UBASH3B: variants seen among roughly 807,000 people sequenced by gnomAD.
UBASH3B encodes the protein ubiquitin associated and SH3 domain containing B.
A neutral mutation model predicts 83.4 loss-of-function variants in UBASH3B; 37 were observed. The ratio of observed to expected loss-of-function variants is 0.44; its 90% CI spans 0.34 to 0.58. The LOEUF (loss-of-function observed/expected upper bound fraction) is 0.58. Among genes scored for constraint, UBASH3B ranks in the 20% least tolerant of loss-of-function variants. The pLI, the probability that UBASH3B is intolerant of heterozygous loss-of-function variation, is 0.01. For synonymous variants in UBASH3B, 304 were observed against 318.3 expected (o/e 0.96, Z 0.48); for missense variants, 657 against 827.2 (o/e 0.79, Z 2.52).
intron 1 of UBASH3B, among the ~76,000 whole-genome samples, chr11:122,756,292 C>G (rs1861281719): frequency 6.6e-6 from 1 of 152,228 alleles, no homozygotes; most frequent in South Asian, 2.1e-4. Flanking sequence ...GATTCTTACC[C>G]TTGCACATTT....
chr11:122,729,902 A>G (rs1860810856), intron 1 of UBASH3B, among the ~76,000 whole-genome samples: 1 of 127,776 alleles, frequency 7.8e-6, no homozygotes, highest in Admixed American at 9.6e-5. Context: ...TCAGTTGGGC[A>G]TGGGAGTTCG....
rs78645663 is a variant in UBASH3B at position 122,701,212 on chromosome 11, G to T, written c.161+45002G>T. 7.4e-3 allele frequency among the ~76,000 whole-genome samples: 1,123 copies of T among 152,244 alleles called. 34 individuals carry two copies. In the East Asian group the frequency reaches 0.11, roughly 15 times the overall value. On this transcript the variant is annotated intron_variant, in intron 1 of 13. Coordinates refer to ENST00000284273, the MANE Select transcript of UBASH3B (RefSeq NM_032873.5). ...TAGTCATTTCTTGTGAGGATTTAAG[G>T]ATGTTATTGATTGATTTTGGATTAC...
At chr11:122,791,925 C>T (rs1358283903) in intron 6 of UBASH3B, among the ~76,000 whole-genome samples, 4 of 152,180 alleles carry the variant, frequency 2.6e-5, no homozygotes, top group Non-Finnish European at 4.4e-5. Flanking sequence ...GCTGCCTGGC[C>T]GCTTGGGCTT....
chr11:122,680,871 CTT>C (rs1413150281), intron 1 of UBASH3B, among the ~76,000 whole-genome samples: 1 of 152,092 alleles, frequency 6.6e-6, no homozygotes, highest in East Asian at 1.9e-4. Flanking sequence ...GCAAATTAAC[CTT>C]TTTTCTGATA....
chr11:122,732,824 G>A (rs1384182451), intron 1 of UBASH3B, among the ~76,000 whole-genome samples: 2 of 152,150 alleles, frequency 1.3e-5, no homozygotes, highest in African/African-American at 4.8e-5. Flanking sequence ...AAAGGGACAG[G>A]CAGTGTTCTG....
chr11:122,695,245 T>C (rs1156258412), intron 1 of UBASH3B, among the ~76,000 whole-genome samples: 1 of 152,188 alleles, frequency 6.6e-6, no homozygotes, highest in African/African-American at 2.4e-5. Context: ...ATTGCAGGCG[T>C]GAGCCACCGC....
At chr11:122,802,374 T>A (rs1861273911) in intron 11 of UBASH3B, among the ~76,000 whole-genome samples, 1 of 147,176 alleles carries the variant, frequency 6.8e-6, no homozygotes, top group African/African-American at 2.5e-5. Flanking sequence ...CTATCAAAAG[T>A]CTACTCAGGT....
At chr11:122,733,985 A>C (rs565301867) in intron 1 of UBASH3B, among the ~76,000 whole-genome samples, 1 of 152,186 alleles carries the variant, frequency 6.6e-6, no homozygotes, top group East Asian at 1.9e-4. Flanking sequence ...TCCTGTGTCC[A>C]AGCAATTCTC....
chr11:122,809,144 G>A (rs557988396), intron 13 of UBASH3B, among the ~76,000 whole-genome samples: 3 of 151,638 alleles, frequency 2.0e-5, no homozygotes, highest in Non-Finnish European at 2.9e-5. Flanking sequence ...GCGTAATCTC[G>A]GTTCACTTTA....
intron 1 of UBASH3B, among the ~76,000 whole-genome samples, chr11:122,657,002 G>A (rs1439372730): frequency 1.3e-5 from 2 of 152,200 alleles, no homozygotes; most frequent in Non-Finnish European, 2.9e-5. Context: ...ATAGGGTGGC[G>A]GCGGCCGGAG....
At chr11:122,672,814 A>G (rs1863616089) in intron 1 of UBASH3B, among the ~76,000 whole-genome samples, 1 of 152,178 alleles carries the variant, frequency 6.6e-6, no homozygotes, top group Non-Finnish European at 1.5e-5. Context: ...GGACCCAAGC[A>G]TTCTGTGTTG....
chr11:122,681,695 C>T (rs1426229627), intron 1 of UBASH3B, among the ~76,000 whole-genome samples: 5 of 62,668 alleles, frequency 8.0e-5, no homozygotes, highest in Admixed American at 7.9e-4. Context: ...TACACACATG[C>T]ACACACACAC....
At position 122,813,957 on chromosome 11, in the gene UBASH3B, T is replaced by C. The variant is rs1861496681; in HGVS notation, c.*4071T>C. 1 of 152,350 alleles carries C rather than the reference T, an allele frequency of 6.6e-6. No individual in the cohort carries two copies. Among genetic ancestry groups the C allele is most frequent in the South Asian group, 2.1e-4 (1 of 4,834 alleles). 9.4% of individuals were successfully genotyped at this position (152,350 alleles called of 1,614,324 possible). On this transcript the variant is annotated 3_prime_UTR_variant, in exon 14 of 14. Transcript: ENST00000284273. ...ATTGGTGTATGTAGGTTTAAAATTA[T>C]AGTGATGACTAGTCGAACTTAATAT...
Position 122,801,319 on chromosome 11 carries a change from G to A in UBASH3B, c.1582G>A (p.Asp528Asn), listed in dbSNP as rs1861255810. The A allele has an allele frequency of 1.9e-6, 3 of 1,614,080 alleles. No homozygotes were observed. Among genetic ancestry groups the A allele is most frequent in the Middle Eastern group, 1.7e-4 (1 of 6,022 alleles). The change falls in exon 11 of 14, where the codon GAT (aspartate) becomes AAT (asparagine). Residue 528 changes from aspartate (D) to asparagine (N), a missense_variant. This residue lies in a region of UBASH3B where 573 missense variants were observed against 739.0 expected (regional missense o/e 0.78). Transcript: ENST00000284273. ...SELAAANLSV[D>N]TTYRPHIPIS... Reference sequence around the variant, plus strand: ...GTTAGCTGCAGCCAACCTGAGTGTTGATACAACCTACAGGTAAGCCTCGGA... The same window carrying A: ...GTTAGCTGCAGCCAACCTGAGTGTTAATACAACCTACAGGTAAGCCTCGGA...
intron 1 of UBASH3B, among the ~76,000 whole-genome samples, chr11:122,754,730 C>T (rs1861256038): frequency 6.6e-6 from 1 of 152,182 alleles, no homozygotes; most frequent in Non-Finnish European, 1.5e-5. Flanking sequence ...AACTTCCTCC[C>T]TCTGGTGGAC....
At chr11:122,728,877 T>A (rs1003626863) in intron 1 of UBASH3B, among the ~76,000 whole-genome samples, 1 of 152,104 alleles carries the variant, frequency 6.6e-6, no homozygotes, top group African/African-American at 2.4e-5. Context: ...AGCTAGAGGG[T>A]CTTAGGGATT....
intron 1 of UBASH3B, among the ~76,000 whole-genome samples, chr11:122,763,360 T>C (rs1343230812): frequency 6.6e-6 from 1 of 152,076 alleles, no homozygotes; most frequent in Admixed American, 6.6e-5. Context: ...CCCTGCCACA[T>C]AAAAACATCG....
At chr11:122,746,898 T>A (rs1271946091) in intron 1 of UBASH3B, among the ~76,000 whole-genome samples, 2 of 152,144 alleles carry the variant, frequency 1.3e-5, no homozygotes, top group African/African-American at 4.8e-5. Context: ...TCAGAAAGGA[T>A]TTCGCTGAAT....
intron 5 of UBASH3B, among the ~76,000 whole-genome samples, chr11:122,784,510 A>C (rs888516735): frequency 6.6e-6 from 1 of 152,000 alleles, no homozygotes. Flanking sequence ...CCCACAAAAG[A>C]CCTCATCGTT....
Sources: gnomAD v4.1 joint callset for allele counts (sites outside exome capture counted in the v4.1 genomes callset) on GRCh38, gnomAD v4.1.1 for gene constraint, gnomAD v4.1.1 regional missense constraint, MANE v1.5 for transcripts, NCBI Gene and HGNC (gene_info 2026-07-23, HGNC 2026-07-21) for gene names.